STMN2: variants seen among roughly 807,000 people sequenced by gnomAD.
STMN2 encodes stathmin-2.
STMN2 carries 2 observed loss-of-function variants against 24.1 expected under a neutral mutation model. That is an observed-to-expected ratio of 0.08 (90% CI 0.03 to 0.26). The LOEUF (loss-of-function observed/expected upper bound fraction) is 0.26. Ranked by LOEUF, STMN2 falls within the 10% of genes least tolerant of loss-of-function variation. The pLI, the probability that STMN2 is intolerant of heterozygous loss-of-function variation, is 1.00. For synonymous variants in STMN2, 83 were observed against 77.5 expected (o/e 1.07, Z -0.37); for missense variants, 114 against 213.6 (o/e 0.53, Z 2.91).
intron 3 of STMN2, among the ~76,000 whole-genome samples, chr8:79,645,997 A>AT (rs569846048): frequency 5.3e-5 from 8 of 151,976 alleles, no homozygotes; most frequent in African/African-American, 1.9e-4. Context: ...TACTGTAAAC[A>AT]TTTTTTTTCT....
chr8:79,626,378 T>C (rs974281052), intron 1 of STMN2, among the ~76,000 whole-genome samples: 5 of 152,222 alleles, frequency 3.3e-5, no homozygotes, highest in African/African-American at 9.6e-5. Context: ...ATGAGAAGAC[T>C]TTCTTAAATT....
intron 1 of STMN2, among the ~76,000 whole-genome samples, chr8:79,627,804 C>G (rs1365368642): frequency 1.3e-5 from 2 of 152,160 alleles, no homozygotes; most frequent in African/African-American, 4.8e-5. Flanking sequence ...CCCTGGAAAC[C>G]ACCCTTCTAC....
intron 3 of STMN2, among the ~76,000 whole-genome samples, chr8:79,652,374 C>G (rs562355480): frequency 2.6e-5 from 4 of 152,122 alleles, no homozygotes; most frequent in Non-Finnish European, 4.4e-5. Flanking sequence ...GCTGTCTCCT[C>G]TTATTTCTTT....
At chr8:79,636,200 G>C (rs1479031023) in intron 1 of STMN2, among the ~76,000 whole-genome samples, 6 of 152,066 alleles carry the variant, frequency 3.9e-5, no homozygotes, top group African/African-American at 7.2e-5. Context: ...CTGGGTAACA[G>C]AGCAACTCTG....
At chr8:79,663,829 G>A (rs563608535) in intron 4 of STMN2, 2 of 199,568 alleles carry the variant, frequency 1.0e-5, no homozygotes, top group East Asian at 1.9e-4. Context: ...GTCATCTGAT[G>A]TATAGCCACA....
At chr8:79,635,348 GGA>G (rs1809918424) in intron 1 of STMN2, among the ~76,000 whole-genome samples, 1 of 152,106 alleles carries the variant, frequency 6.6e-6, no homozygotes, top group African/African-American at 2.4e-5. Context: ...GTAGAAAGAG[GGA>G]GAGACAAAGA....
chr8:79,655,774 G>GA (rs1392436973), intron 4 of STMN2, among the ~76,000 whole-genome samples: 2 of 152,102 alleles, frequency 1.3e-5, no homozygotes, highest in African/African-American at 2.4e-5. Context: ...CCTTTCCTTT[G>GA]AAAATATACA....
chr8:79,641,379 T>A lies in STMN2; in HGVS notation c.117T>A (p.Asp39Glu). 6.2e-7 allele frequency: 1 copy of A among 1,613,098 alleles called. No homozygotes were observed. The highest frequency in any genetic ancestry group is 8.5e-7 in the Non-Finnish European group (1 of 1,179,730). The change falls in exon 3 of 5, where the codon GAT becomes GAA. Residue 39 changes from aspartate (D) to glutamate (E), a missense_variant and splice_region_variant. Coordinates refer to ENST00000220876, the MANE Select transcript of STMN2 (RefSeq NM_007029.4). ...CATTCTCAAATGTTCACTTTTCAGA[T>A]ATGGAAGTGAAGCAAATCAACAAAC... ...PRNINIYTYD[D>E]MEVKQINKRA...
intron 3 of STMN2, 76 bp downstream of exon 3, chr8:79,641,626 ACG>A (rs1324248589): frequency 1.1e-3 from 661 of 579,710 alleles, no homozygotes; most frequent in East Asian, 1.3e-3. Flanking sequence ...GCACACATGC[ACG>A]CACACACACA....
intron 3 of STMN2, among the ~76,000 whole-genome samples, chr8:79,643,289 G>T (rs1810152120): frequency 6.7e-6 from 1 of 149,240 alleles, no homozygotes; most frequent in South Asian, 2.1e-4. Context: ...CTTTTTTATT[G>T]TTATTTTTAG....
intron 4 of STMN2, 46 bp from the exon 5 acceptor site, chr8:79,664,769 G>T: frequency 6.2e-7 from 1 of 1,600,664 alleles, no homozygotes; most frequent in South Asian, 1.1e-5. Context: ...CAAAGGACCA[G>T]ACAAAAAGGG....
At chr8:79,636,019 C>T (rs2130346577) in intron 1 of STMN2, among the ~76,000 whole-genome samples, 1 of 152,174 alleles carries the variant, frequency 6.6e-6, no homozygotes, top group Non-Finnish European at 1.5e-5. Flanking sequence ...GAATTCAAGA[C>T]CAGCCTGAGA....
chr8:79,628,449 C>T (rs1809714678), intron 1 of STMN2, among the ~76,000 whole-genome samples: 1 of 152,144 alleles, frequency 6.6e-6, no homozygotes, highest in Non-Finnish European at 1.5e-5. Context: ...CCACGCCTGG[C>T]CTAGTAGTTC....
At chr8:79,663,773 T>G in intron 4 of STMN2, 2 of 834,572 alleles carry the variant, frequency 2.4e-6, no homozygotes, top group Non-Finnish European at 3.5e-6. Flanking sequence ...ACAGTTTGAT[T>G]TTAGTCATCT....
chr8:79,625,431 A>C (rs955816867), intron 1 of STMN2, among the ~76,000 whole-genome samples: 3 of 152,220 alleles, frequency 2.0e-5, no homozygotes, highest in African/African-American at 7.2e-5. Flanking sequence ...AAAGTCACAC[A>C]CAGCCAACAA....
In STMN2 at chr8:79,641,469, A is replaced by C; in HGVS notation, c.207A>C (p.Arg69=). Residue 69 remains arginine (R), a synonymous_variant, in exon 3 of 5, where the codon CGA becomes CGC. Coordinates refer to ENST00000220876, the MANE Select transcript of STMN2 (RefSeq NM_007029.4). ...KPPSPISEAP[R]TLASPKKKDL... ...CATCTCCTATCTCAGAAGCCCCACG[A>C]ACTTTAGCTTCTCCAAAGAAGAAAG... 1 of 1,614,094 alleles carries C rather than the reference A, an allele frequency of 6.2e-7. No individual in the cohort carries two copies. The highest frequency in any genetic ancestry group is 8.5e-7 in the Non-Finnish European group (1 of 1,179,998).
At position 79,636,862 on chromosome 8, in the gene STMN2, C is replaced by T. The variant is rs190405290; in HGVS notation, c.80C>T (p.Pro27Leu). ...TCACTGATCTGCTCTTGCTTTTACC[C>T]GGAACCTCGCAACATCAACATCTAT... ...MLSLICSCFY[P>L]EPRNINIYTY... The change falls in exon 2 of 5, where the codon CCG becomes CTG. Residue 27 changes from proline to leucine, a missense_variant. Transcript: ENST00000220876. The T allele has an allele frequency of 1.2e-6, 2 of 1,613,750 alleles. No individual in the cohort carries two copies. Among genetic ancestry groups the T allele is most frequent in the Admixed American group, 1.7e-5 (1 of 59,978 alleles).
At chr8:79,646,298 T>TA (rs1810216320) in intron 3 of STMN2, among the ~76,000 whole-genome samples, 1 of 151,972 alleles carries the variant, frequency 6.6e-6, no homozygotes, top group South Asian at 2.1e-4. Context: ...TCATCAAACT[T>TA]ACATTCCAGT....
chr8:79,636,411 T>C (rs1268286930), intron 1 of STMN2, among the ~76,000 whole-genome samples: 1 of 152,180 alleles, frequency 6.6e-6, no homozygotes, highest in Non-Finnish European at 1.5e-5. Context: ...ATCTTACTTA[T>C]GTACAATAGA....
Sources: allele counts gnomAD v4.1 joint callset (sites outside exome capture counted in the v4.1 genomes callset), GRCh38; gene constraint gnomAD v4.1.1; transcripts MANE v1.5; gene names NCBI Gene and HGNC (gene_info 2026-07-23, HGNC 2026-07-21).